Variants in SYT1 observed in about 807,000 individuals in gnomAD.
SYT1 encodes synaptotagmin-1.
SYT1 carries 8 observed loss-of-function variants against 44.8 expected under a neutral mutation model. That is an observed-to-expected ratio of 0.18 (90% CI 0.10 to 0.32). SYT1 has a LOEUF of 0.32. Ranked by LOEUF, SYT1 falls within the 10% of genes least tolerant of loss-of-function variation. The pLI, the probability that SYT1 is intolerant of heterozygous loss-of-function variation, is 1.00. For missense variants in SYT1, 286 were observed against 509.3 expected, an observed-to-expected ratio of 0.56 and a Z score of 4.22; for synonymous variants, 154 against 188.8, an observed-to-expected ratio of 0.82 and a Z score of 1.51.
chr12:79,310,841 C>T (rs1028161118), intron 8 of SYT1, among the ~76,000 whole-genome samples: 1 of 152,154 alleles, frequency 6.6e-6, no homozygotes, highest in Admixed American at 6.5e-5. Flanking sequence ...TATAAGAATG[C>T]TTGTGATTTT....
chr12:79,270,590 A>G (rs553613358), intron 4 of SYT1, among the ~76,000 whole-genome samples: 14 of 152,332 alleles, frequency 9.2e-5, no homozygotes, highest in South Asian at 4.1e-4. Flanking sequence ...ATAAATGCCA[A>G]TGGAACTAAT....
chr12:78,972,641 C>A (rs1258579763), intron 1 of SYT1, among the ~76,000 whole-genome samples: 1 of 151,566 alleles, frequency 6.6e-6, no homozygotes, highest in African/African-American at 2.4e-5. Context: ...CACATATGTT[C>A]ATTAGGAGAA....
At chr12:79,204,632 A>G (rs1176660168) in intron 3 of SYT1, among the ~76,000 whole-genome samples, 1 of 152,216 alleles carries the variant, frequency 6.6e-6, no homozygotes, top group African/African-American at 2.4e-5. Flanking sequence ...TTCAATTAAT[A>G]TTCTATACAA....
chr12:79,009,513 G>T (rs563512088), intron 2 of SYT1, among the ~76,000 whole-genome samples: 4 of 152,064 alleles, frequency 2.6e-5, no homozygotes, highest in Non-Finnish European at 4.4e-5. Flanking sequence ...GTTCTTACTT[G>T]CTCCCTGGTA....
chr12:79,202,730 A>G lies in SYT1; in HGVS notation c.-17-14773A>G, dbSNP rs80280113. ...GCTTCCTCACTTGCAGACTTTGATC[A>G]ATGATGGACACACTAAAAGGTAGAA... On this transcript the variant is annotated intron_variant, in intron 3 of 10. Transcript: ENST00000261205. Among the ~76,000 whole-genome samples the G allele has an allele frequency of 1.2e-4, 18 of 152,296 alleles. No individual in the cohort carries two copies. In the East Asian group the frequency reaches 3.5e-3, roughly 29 times the overall value.
At chr12:79,179,177 TATATAG>T (rs1159797142) in intron 3 of SYT1, among the ~76,000 whole-genome samples, 2 of 73,092 alleles carry the variant, frequency 2.7e-5, no homozygotes, top group South Asian at 5.8e-4. Context: ...TAGATATAGA[TATATAG>T]ATATAGATAT....
chr12:79,117,109 C>T (rs1370305116), intron 3 of SYT1, among the ~76,000 whole-genome samples: 1 of 152,112 alleles, frequency 6.6e-6, no homozygotes, highest in Non-Finnish European at 1.5e-5. Context: ...GATTAATCTA[C>T]CAGCAATATA....
chr12:79,131,628 G>C (rs897389944), intron 3 of SYT1, among the ~76,000 whole-genome samples: 1 of 152,148 alleles, frequency 6.6e-6, no homozygotes, highest in Non-Finnish European at 1.5e-5. Flanking sequence ...TGTATAATCA[G>C]ATGTGTTATA....
chr12:79,260,217 C>T (rs1447539795), intron 4 of SYT1, among the ~76,000 whole-genome samples: 1 of 152,116 alleles, frequency 6.6e-6, no homozygotes, highest in Non-Finnish European at 1.5e-5. Flanking sequence ...CCTAATAATG[C>T]AGACGGTCTT....
At chr12:79,096,258 T>C (rs1878123254) in intron 3 of SYT1, among the ~76,000 whole-genome samples, 1 of 151,968 alleles carries the variant, frequency 6.6e-6, no homozygotes, top group South Asian at 2.1e-4. Flanking sequence ...GCAACTTTTG[T>C]TTGCTTTATT....
intron 1 of SYT1, among the ~76,000 whole-genome samples, chr12:78,884,203 G>A (rs1379301691): frequency 2.0e-5 from 3 of 151,004 alleles, no homozygotes; most frequent in South Asian, 2.1e-4. Flanking sequence ...TATACACAAC[G>A]GTCTATACAT....
rs369624962 is a variant in SYT1 at position 79,086,744 on chromosome 12, G to A, written c.-18+39382G>A. 7.2e-5 allele frequency among the ~76,000 whole-genome samples: 11 copies of A among 152,268 alleles called. 1 individual carries two copies. In the East Asian group the frequency reaches 7.7e-4, roughly 11 times the overall value. On this transcript the variant is annotated intron_variant, in intron 3 of 10. Coordinates refer to ENST00000261205, the MANE Select transcript of SYT1 (RefSeq NM_005639.3). ...TATCATTGGTGCAAGGTGCCTTTCT[G>A]TGTGCCTGGCTGAGCAGCTTCCAAT...
chr12:79,257,275 C>A lies in SYT1; in HGVS notation c.167-28512C>A, dbSNP rs77792269. ...CATACCATAAATCAGCATGTTTGAT[C>A]ACTGGAAGCTTCATTTTGATGATTA... On this transcript the variant is annotated intron_variant, in intron 4 of 10. Transcript: ENST00000261205. Among the ~76,000 whole-genome samples, 18 of 152,276 alleles carry A rather than the reference C, an allele frequency of 1.2e-4. No homozygotes were observed. The East Asian group carries it at 3.1e-3, about 26-fold the overall frequency.
intron 2 of SYT1, among the ~76,000 whole-genome samples, chr12:79,015,384 T>C (rs1174834623): frequency 6.6e-6 from 1 of 152,106 alleles, no homozygotes; most frequent in Non-Finnish European, 1.5e-5. Flanking sequence ...TAATAATAAG[T>C]AACCAACTTT....
chr12:79,389,871 T>A (rs1307694875), intron 9 of SYT1, among the ~76,000 whole-genome samples: 1 of 152,166 alleles, frequency 6.6e-6, no homozygotes, highest in Non-Finnish European at 1.5e-5. Context: ...AGCTACCCAA[T>A]GCAAATTATG....
At chr12:78,985,905 A>G (rs1869608385) in intron 2 of SYT1, among the ~76,000 whole-genome samples, 1 of 152,066 alleles carries the variant, frequency 6.6e-6, no homozygotes. Context: ...TTTATTTACC[A>G]ACAACTTTGT....
chr12:79,297,658 C>CA (rs1320078670), intron 7 of SYT1, among the ~76,000 whole-genome samples: 1 of 151,966 alleles, frequency 6.6e-6, no homozygotes, highest in Non-Finnish European at 1.5e-5. Context: ...AAAGGTTGAT[C>CA]AAACTATACA....
intron 9 of SYT1, among the ~76,000 whole-genome samples, chr12:79,396,446 G>A (rs1033035252): frequency 2.6e-5 from 4 of 152,070 alleles, no homozygotes; most frequent in Non-Finnish European, 5.9e-5. Context: ...AAATACAGAT[G>A]CCAGGGCTCT....
intron 3 of SYT1, among the ~76,000 whole-genome samples, chr12:79,054,123 T>G (rs2137807706): frequency 6.6e-6 from 1 of 152,216 alleles, no homozygotes; most frequent in East Asian, 1.9e-4. Context: ...TTGAAAGGTT[T>G]ATAAGGTTAG....
Sources: gnomAD v4.1 joint callset for allele counts (sites outside exome capture counted in the v4.1 genomes callset) on GRCh38, gnomAD v4.1.1 for gene constraint, MANE v1.5 for transcripts, NCBI Gene and HGNC (gene_info 2026-07-23, HGNC 2026-07-21) for gene names.